The following LRRK1 variants were observed in gnomAD, a reference collection of about 807,000 sequenced individuals.
LRRK1 encodes the protein leucine rich repeat kinase 1.
In LRRK1, 113 loss-of-function variants were observed where a neutral mutation model predicts 209.1. The ratio of observed to expected loss-of-function variants is 0.54; its 90% CI spans 0.46 to 0.63. The LOEUF (loss-of-function observed/expected upper bound fraction) is 0.63, where lower values mean the gene tolerates loss of function less well. Among genes scored for constraint, LRRK1 ranks in the 30% least tolerant of loss-of-function variants. The probability of loss-of-function intolerance (pLI) is 0.00; values close to 1 mark genes in which losing one functional copy is unlikely to be tolerated. For synonymous variants in LRRK1, 1,144 were observed against 1,099.7 expected, an observed-to-expected ratio of 1.04 and a Z score of -0.80; for missense variants, 2,284 against 2,632.2, an observed-to-expected ratio of 0.87 and a Z score of 2.89.
chr15:101,024,716 C>G lies in LRRK1; in HGVS notation c.2068-87C>G. ...GTTTTTTCAGACCCCCGAGTCCAGCCTCCAGAGTTATCCGTTGTCTCCGTT... is the reference window on the plus strand; with the variant it reads ...GTTTTTTCAGACCCCCGAGTCCAGCGTCCAGAGTTATCCGTTGTCTCCGTT... On this transcript the variant is annotated intron_variant, in intron 15 of 33. Transcript: ENST00000388948. This position sits in a 1 kb window ranked among gnomAD's most constrained non-coding sequence, Gnocchi z 4.6. The G allele has an allele frequency of 2.1e-6, 3 of 1,424,146 alleles. No homozygotes were observed. Among genetic ancestry groups the G allele is most frequent in the Admixed American group, 1.9e-5 (1 of 52,624 alleles). The allele number at this position is 1,424,146 out of a possible 1,614,324, so 88.2% of individuals were successfully genotyped here.
chr15:100,931,293 C>G (rs190268011), intron 2 of LRRK1, among the ~76,000 whole-genome samples: 1 of 152,144 alleles, frequency 6.6e-6, no homozygotes, highest in Non-Finnish European at 1.5e-5. Flanking sequence ...ACCCAGGGGC[C>G]GTGGCACATT....
In LRRK1 at chr15:101,076,824, C is replaced by T. The variant is rs189306007; in HGVS notation, c.*7976C>T. On this transcript the variant is annotated 3_prime_UTR_variant, in exon 34 of 34. Coordinates refer to ENST00000388948, the MANE Select transcript of LRRK1 (RefSeq NM_024652.6). ...TAAAATACCTCTTATTCTAGGTAGACACTTTCACTGGATAGGTAGAGGCCT... is the reference window on the plus strand; with the variant it reads ...TAAAATACCTCTTATTCTAGGTAGATACTTTCACTGGATAGGTAGAGGCCT... The T allele has an allele frequency of 3.3e-5, 5 of 152,198 alleles. No individual in the cohort carries two copies. Among genetic ancestry groups the T allele is most frequent in the Non-Finnish European group, 5.9e-5 (4 of 68,052 alleles). The allele number at this position is 152,198 out of a possible 1,614,324, so 9.4% of individuals were successfully genotyped here.
At position 101,022,428 on chromosome 15, in the gene LRRK1, C is replaced by T. The variant is rs749390141; in HGVS notation, c.1898C>T (p.Ala633Val). The T allele has an allele frequency of 6.2e-6, 10 of 1,614,110 alleles. No individual in the cohort carries two copies. The highest frequency in any genetic ancestry group is 8.5e-6 in the Non-Finnish European group (10 of 1,180,058). The change falls in exon 15 of 34, where the codon GCG becomes GTG. Residue 633 changes from alanine to valine, a missense_variant. Ala to Val is a moderately conservative substitution (Grantham distance 64). Around this residue, in one of 6 missense-constraint regions of LRRK1, gnomAD observed 494 missense variants for 522.1 expected, o/e 0.95. Coordinates refer to ENST00000388948, the MANE Select transcript of LRRK1 (RefSeq NM_024652.6). The surrounding 1 kb of genome is among the most constrained non-coding windows in gnomAD (Gnocchi z 4.0). ...TACCTGCGTGCTCAGCTGCGGAAAG[C>T]GGAAAAGTGCAAGCTGATGAAGATG... The part of the protein sequence containing the change: ...LSYLRAQLRK[A>V]EKCKLMKMII...
chr15:100,956,455 C>CTTTTTCTTTTTTTTTCTTTTTTTT, intron 2 of LRRK1, among the ~76,000 whole-genome samples: 1 of 60,534 alleles, frequency 1.7e-5, no homozygotes, highest in Non-Finnish European at 2.9e-5. Flanking sequence ...TTTTTTTTTT[C>CTTTTTCTTTTTTTTTCTTTTTTTT]TTTTTTTTTT....
intron 6 of LRRK1, among the ~76,000 whole-genome samples, chr15:100,992,433 C>G (rs1038216343): frequency 6.6e-6 from 1 of 152,022 alleles, no homozygotes; most frequent in African/African-American, 2.4e-5. Context: ...TCATTCTTTT[C>G]TTCTATATCT....
At chr15:101,048,832 C>T (rs534132306) in intron 22 of LRRK1, among the ~76,000 whole-genome samples, 175 bp downstream of exon 22, 10 of 152,314 alleles carry the variant, frequency 6.6e-5, no homozygotes, top group African/African-American at 1.9e-4. Context: ...CCAGAGGCTC[C>T]GGTCTCCTCA....
rs116362592 is a variant in LRRK1 at position 100,940,941 on chromosome 15, C to A, written c.97+16212C>A. 6.0e-4 allele frequency among the ~76,000 whole-genome samples: 91 copies of A among 152,318 alleles called. 1 individual carries two copies. The highest frequency in any genetic ancestry group is 1.5e-3 in the African/African-American group (62 of 41,576). ...TGCAGGCCCTCTGACCTGGCTAGAC[C>A]CTGCCTTGCAGAGACATTGTCACTG... On this transcript the variant is annotated intron_variant, in intron 2 of 33. Transcript: ENST00000388948.
rs376864463 is a variant in LRRK1, at chr15:100,932,627, A to T, written c.97+7898A>T. ...TAATGAAGGCTGTCAGACAGAAGGG[A>T]CTATAATATAGGAAAAGCAACAAGG... On this transcript the variant is annotated intron_variant, in intron 2 of 33. Coordinates refer to ENST00000388948, the MANE Select transcript of LRRK1 (RefSeq NM_024652.6). 3.9e-5 allele frequency among the ~76,000 whole-genome samples: 6 copies of T among 152,346 alleles called. No homozygotes were observed. In the East Asian group the frequency reaches 1.2e-3, roughly 29 times the overall value.
chr15:101,000,752 C>T (rs2032647904), intron 6 of LRRK1, among the ~76,000 whole-genome samples: 1 of 152,230 alleles, frequency 6.6e-6, no homozygotes, highest in Non-Finnish European at 1.5e-5. Context: ...GAACACCAGT[C>T]ATGTTGGATG....
At chr15:101,057,802 G>A (rs2035897445) in intron 28 of LRRK1, among the ~76,000 whole-genome samples, 188 bp from the exon 29 acceptor site, 1 of 152,212 alleles carries the variant, frequency 6.6e-6, no homozygotes, top group Non-Finnish European at 1.5e-5. Flanking sequence ...GTAGCCAAAG[G>A]TGACCCAGAT....
At chr15:100,934,626 CAAA>C (rs71151991) in intron 2 of LRRK1, among the ~76,000 whole-genome samples, 8,616 of 71,496 alleles carry the variant, frequency 0.12, 256 homozygotes, top group African/African-American at 0.24. Context: ...CCCATCTCTA[CAAA>C]AAAAAAAAAA....
chr15:100,929,210 G>C (rs1596155770), intron 2 of LRRK1, among the ~76,000 whole-genome samples: 1 of 152,278 alleles, frequency 6.6e-6, no homozygotes, highest in Non-Finnish European at 1.5e-5. Flanking sequence ...AGAATACTTG[G>C]GAAGACTTCT....
chr15:101,057,872 C>G, intron 28 of LRRK1, 118 bp from the exon 29 acceptor site: 1 of 1,135,470 alleles, frequency 8.8e-7, no homozygotes, highest in East Asian at 2.3e-5. Flanking sequence ...TGGATCTAGT[C>G]TGAATGAACA....
chr15:101,069,027 T>C lies in LRRK1; in HGVS notation c.*179T>C. The C allele has an allele frequency of 1.8e-6, 1 of 551,042 alleles. No homozygotes were observed. Among genetic ancestry groups the C allele is most frequent in the Non-Finnish European group, 3.0e-6 (1 of 328,812 alleles). The allele number at this position is 551,042 out of a possible 1,614,324, so 34.1% of individuals were successfully genotyped here. A position where few individuals can be genotyped will look rare whatever the true frequency, so the allele number is the denominator to read the frequency against. On this transcript the variant is annotated 3_prime_UTR_variant, in exon 34 of 34. Transcript: ENST00000388948. ...GCCTGGCGGTGGCTCCAGGGTTCTC[T>C]GGTTCTCTGGAGCAGAGTTCTCTGA...
chr15:101,019,716 G>A (rs920762915), intron 12 of LRRK1, among the ~76,000 whole-genome samples: 46 of 152,294 alleles, frequency 3.0e-4, no homozygotes, highest in African/African-American at 1.0e-3. Flanking sequence ...TCCATGTCTG[G>A]CAGGGAACCC....
At chr15:100,962,812 T>TACAC (rs2030114196) in intron 2 of LRRK1, among the ~76,000 whole-genome samples, 10 of 31,644 alleles carry the variant, frequency 3.2e-4, no homozygotes, top group African/African-American at 9.4e-4. Flanking sequence ...TATATATATA[T>TACAC]ATATATATAT....
At chr15:101,040,072 T>C (rs1411095811) in intron 20 of LRRK1, among the ~76,000 whole-genome samples, 1 of 152,210 alleles carries the variant, frequency 6.6e-6, no homozygotes, top group African/African-American at 2.4e-5. Flanking sequence ...ATAGGCTGTC[T>C]TCATAAAATG....
At chr15:101,023,254 C>G (rs2033879431) in intron 15 of LRRK1, among the ~76,000 whole-genome samples, 1 of 152,088 alleles carries the variant, frequency 6.6e-6, no homozygotes, top group Non-Finnish European at 1.5e-5. Flanking sequence ...TGCTTGAACC[C>G]GGGAGGTGGA....
At chr15:101,044,767 A>G (rs2034965309) in intron 20 of LRRK1, among the ~76,000 whole-genome samples, 1 of 152,254 alleles carries the variant, frequency 6.6e-6, no homozygotes, top group Non-Finnish European at 1.5e-5. Flanking sequence ...AGAGGGCCAC[A>G]TGAGAGACCC....
Sources: allele counts gnomAD v4.1 joint callset (sites outside exome capture counted in the v4.1 genomes callset), GRCh38; gene constraint gnomAD v4.1.1; regional missense constraint gnomAD v4.1.1; non-coding constraint Gnocchi (gnomAD v3.1); transcripts MANE v1.5; gene names NCBI Gene and HGNC (gene_info 2026-07-23, HGNC 2026-07-21).